Variants in CENPT observed in about 807,000 individuals in gnomAD.
CENPT encodes the protein centromere protein T, also known as interphase centromere complex protein 22.
Under a neutral mutation model 59.7 loss-of-function variants are expected in CENPT, and 42 were observed. The ratio of observed to expected loss-of-function variants is 0.70; its 90% CI spans 0.55 to 0.91. The LOEUF (loss-of-function observed/expected upper bound fraction) is 0.91. Ranked by LOEUF, CENPT falls within the 40% of genes least tolerant of loss-of-function variation. CENPT has a pLI of 0.00. For missense variants in CENPT, 716 were observed against 713.4 expected, an observed-to-expected ratio of 1.00 and a Z score of -0.04; for synonymous variants, 295 against 289.6, an observed-to-expected ratio of 1.02 and a Z score of -0.19.
At position 67,828,554 on chromosome 16, in the gene CENPT, A is replaced by C. The variant is rs563642592; in HGVS notation, c.1482T>G (p.Leu494=). 1 of 1,614,186 alleles carries C rather than the reference A, an allele frequency of 6.2e-7. No homozygotes were observed. Among genetic ancestry groups the C allele is most frequent in the East Asian group, 2.2e-5 (1 of 44,886 alleles). ...CAGCAAATACCTCCAGATCATCACA[A>C]AGATGCTGGAAATATTTATCTAGGC... is the stretch of plus-strand genomic sequence containing the variant. ...EKCLDKYFQH[L]CDDLEVFAAH... Residue 494 remains leucine, a synonymous_variant, in exon 15 of 16, where the codon CTT becomes CTG. Transcript: ENST00000562787.
intron 13 of CENPT, chr16:67,829,188 CT>C: frequency 1.9e-6 from 1 of 519,474 alleles, no homozygotes; most frequent in Non-Finnish European, 3.4e-6. Flanking sequence ...TCCAGGAAGC[CT>C]TTTCTGACTA....
chr16:67,832,503 C>T lies in CENPT; in HGVS notation c.153G>A (p.Leu51=), dbSNP rs1457201975. The T allele has an allele frequency of 6.2e-7, 1 of 1,614,178 alleles. No homozygotes were observed. The highest frequency in any genetic ancestry group is 8.5e-7 in the Non-Finnish European group (1 of 1,180,028). ...TGGCTATCGTCCTTGTTTGGCCACT[C>T]AACTTCCTGGGGGAAGCCGTTTCAA... The part of the protein sequence containing the change: ...ALLETASPRK[L]SGQTRTIARG... Residue 51 remains leucine, a synonymous_variant, in exon 5 of 16, where the codon TTG becomes TTA. Transcript: ENST00000562787.
At chr16:67,835,916 C>T (rs984388877) in intron 1 of CENPT, among the ~76,000 whole-genome samples, 1 of 151,912 alleles carries the variant, frequency 6.6e-6, no homozygotes, top group Non-Finnish European at 1.5e-5. Flanking sequence ...ACCACCACGC[C>T]CAGCTAATTT....
In CENPT at chr16:67,842,988, T is replaced by A; in HGVS notation, c.-492+4413A>T. The A allele has an allele frequency of 6.2e-7, 1 of 1,612,356 alleles. No homozygotes were observed. The highest frequency in any genetic ancestry group is 2.2e-5 in the East Asian group (1 of 44,876). On this transcript the variant is annotated intron_variant, in intron 1 of 15. Coordinates refer to ENST00000562787, the MANE Select transcript of CENPT (RefSeq NM_025082.4). This position sits in a 1 kb window ranked among gnomAD's most constrained non-coding sequence, Gnocchi z 4.9. ...GCCTCCACTGCCCAGACTGCCCAGC[T>A]GCAGCCGAACCTGGTATCTGCTTCC... is the stretch of plus-strand genomic sequence containing the variant.
Position 67,843,118 on chromosome 16 carries a change from C to A in CENPT, c.-492+4283G>T. ...CCACTGGAGAAGACGTGAAGCCCAT[C>A]GATCTCACAGTGCAAGTGGAGTTTG... On this transcript the variant is annotated intron_variant, in intron 1 of 15. Transcript: ENST00000562787. This position sits in a 1 kb window ranked among gnomAD's most constrained non-coding sequence, Gnocchi z 5.7. The A allele has an allele frequency of 6.2e-7, 1 of 1,610,570 alleles. No individual in the cohort carries two copies.
intron 1 of CENPT, among the ~76,000 whole-genome samples, chr16:67,846,026 A>C (rs1290687568): frequency 6.6e-6 from 1 of 152,210 alleles, no homozygotes; most frequent in East Asian, 1.9e-4. Flanking sequence ...TGGTACCCCA[A>C]GTTGGCTGCA....
intron 3 of CENPT, among the ~76,000 whole-genome samples, chr16:67,834,425 C>G (rs747646516): frequency 1.3e-5 from 2 of 151,876 alleles, no homozygotes; most frequent in Non-Finnish European, 2.9e-5. Context: ...CTGGGCAACA[C>G]AGTGAGACCC....
chr16:67,830,493 G>C lies in CENPT; in HGVS notation c.759C>G (p.Asn253Lys). Residue 253 changes from asparagine (N) to lysine (K), a missense_variant, in exon 11 of 16, where the codon AAC (asparagine) becomes AAG (lysine). Physicochemically the swap from Asn to Lys is moderately conservative, Grantham distance 94. Coordinates refer to ENST00000562787, the MANE Select transcript of CENPT (RefSeq NM_025082.4). ...PFSQPMVGSP[N>K]VYHSLPCTPH... Reference sequence around the variant, plus strand: ...GCGTGCAGGGCAGGGAGTGATACACGTTGGGGGAGCCAACCATGGGCTGAG... The same window carrying C: ...GCGTGCAGGGCAGGGAGTGATACACCTTGGGGGAGCCAACCATGGGCTGAG... 1 of 1,614,118 alleles carries C rather than the reference G, an allele frequency of 6.2e-7. No individual in the cohort carries two copies. The highest frequency in any genetic ancestry group is 8.5e-7 in the Non-Finnish European group (1 of 1,179,996).
rs1555494454 is a variant in CENPT at position 67,842,923 on chromosome 16, G to GCAGCAGCAGCAGCAGCAGCAGCAA, written c.-492+4477_-492+4478insTTGCTGCTGCTGCTGCTGCTGCTG. The stretch of plus-strand genomic sequence containing the variant: ...AGCAACAGCAGCAGCAGCAGCAACA[G>GCAGCAGCAGCAGCAGCAGCAGCAA]CAGCAGCAGCAGCAGCAGCAGCAGC... On this transcript the variant is annotated intron_variant, in intron 1 of 15. Coordinates refer to ENST00000562787, the MANE Select transcript of CENPT (RefSeq NM_025082.4). The surrounding 1 kb of genome is among the most constrained non-coding windows in gnomAD (Gnocchi z 4.9). 2,226 of 700,636 alleles carry GCAGCAGCAGCAGCAGCAGCAGCAA rather than the reference G, an allele frequency of 3.2e-3. 4 individuals are homozygous for GCAGCAGCAGCAGCAGCAGCAGCAA. The highest frequency in any genetic ancestry group is 7.6e-3 in the African/African-American group (131 of 17,298). The allele number at this position is 700,636 out of a possible 1,614,324, so 43.4% of individuals were successfully genotyped here.
At position 67,842,869 on chromosome 16, in the gene CENPT, G is replaced by T. The variant is rs1567374221; in HGVS notation, c.-492+4532C>A. On this transcript the variant is annotated intron_variant, in intron 1 of 15. Coordinates refer to ENST00000562787, the MANE Select transcript of CENPT (RefSeq NM_025082.4). The surrounding 1 kb of genome is among the most constrained non-coding windows in gnomAD (Gnocchi z 4.9). ...CCGCGGCCGCCCGCCGCAGGCAGCA[G>T]CAGCAACAGCAGCAGCAGCAGCAAC... is the stretch of plus-strand genomic sequence containing the variant. 1 of 1,604,542 alleles carries T rather than the reference G, an allele frequency of 6.2e-7. No homozygotes were observed. The highest frequency in any genetic ancestry group is 8.5e-7 in the Non-Finnish European group (1 of 1,175,690).
chr16:67,833,958 C>G lies in CENPT; in HGVS notation c.-99G>C, dbSNP rs946256457. The G allele has an allele frequency of 2.0e-5, 15 of 749,034 alleles. No homozygotes were observed. In the African/African-American group the frequency reaches 2.4e-4, roughly 12 times the overall value. The allele number at this position is 749,034 out of a possible 1,614,324, so 46.4% of individuals were successfully genotyped here. On this transcript the variant is annotated 5_prime_UTR_variant, in exon 4 of 16. Transcript: ENST00000562787. ...ACTCTCGCGATGCTCCCGCACAGCC[C>G]CACGGGAATTGTAGTTCTCGCACTA...
chr16:67,839,255 G>A (rs1340363352), intron 1 of CENPT, among the ~76,000 whole-genome samples: 2 of 151,780 alleles, frequency 1.3e-5, no homozygotes, highest in South Asian at 2.1e-4. Flanking sequence ...GTATGGTGGT[G>A]GGCACCTATA....
intron 1 of CENPT, among the ~76,000 whole-genome samples, chr16:67,838,037 G>A (rs955830665): frequency 2.0e-5 from 3 of 152,220 alleles, no homozygotes; most frequent in Admixed American, 6.5e-5. Flanking sequence ...TGAGGTTCTT[G>A]CCTTTCTCCA....
rs556448407 is a variant in CENPT, at chr16:67,837,572, A to G, written c.-491-1914T>C. On this transcript the variant is annotated intron_variant, in intron 1 of 15. Coordinates refer to ENST00000562787, the MANE Select transcript of CENPT (RefSeq NM_025082.4). ...AAATACAAAAAATTAGCCGGGCACG[A>G]TGGCAGGTGCCTGTAATCCCAGCTA... Among the ~76,000 whole-genome samples, 3 of 152,106 alleles carry G rather than the reference A, an allele frequency of 2.0e-5. 1 individual carries two copies. The South Asian group carries it at 6.2e-4, about 32-fold the overall frequency.
intron 4 of CENPT, among the ~76,000 whole-genome samples, chr16:67,833,305 G>A (rs2057711031): frequency 6.6e-6 from 1 of 152,268 alleles, no homozygotes; most frequent in East Asian, 1.9e-4. Context: ...AGCAGGAACA[G>A]TGGGAACCCT....
At chr16:67,834,900 G>C (rs991796596) in intron 3 of CENPT, among the ~76,000 whole-genome samples, 4 of 152,254 alleles carry the variant, frequency 2.6e-5, no homozygotes, top group Non-Finnish European at 5.9e-5. Flanking sequence ...GGAGTGCAAT[G>C]GCACAATCTC....
rs555675140 is a variant in CENPT at position 67,842,226 on chromosome 16, T to A, written c.-492+5175A>T. ...GCAGTGCCTTGGAAGGCGGCAGGAA[T>A]CCGCACACACCCGCCCCGGAAGTGA... On this transcript the variant is annotated intron_variant, in intron 1 of 15. Transcript: ENST00000562787. The surrounding 1 kb of genome is among the most constrained non-coding windows in gnomAD (Gnocchi z 4.9). The A allele has an allele frequency of 6.5e-6, 1 of 153,590 alleles. No individual in the cohort carries two copies. The highest frequency in any genetic ancestry group is 1.9e-4 in the East Asian group (1 of 5,210). 9.5% of individuals were successfully genotyped at this position (153,590 alleles called of 1,614,324 possible).
intron 3 of CENPT, among the ~76,000 whole-genome samples, chr16:67,834,479 C>T (rs1299427763): frequency 1.3e-5 from 2 of 152,084 alleles, no homozygotes; most frequent in African/African-American, 4.8e-5. Context: ...ATTATTCAGT[C>T]ATGGTGGTGC....
chr16:67,845,263 C>T (rs2057789633), intron 1 of CENPT, among the ~76,000 whole-genome samples: 1 of 152,178 alleles, frequency 6.6e-6, no homozygotes, highest in Non-Finnish European at 1.5e-5. Context: ...ATATGACTCC[C>T]TTCTCTTTCT....
Sources: allele counts gnomAD v4.1 joint callset (sites outside exome capture counted in the v4.1 genomes callset), GRCh38; gene constraint gnomAD v4.1.1; non-coding constraint Gnocchi (gnomAD v3.1); transcripts MANE v1.5; gene names NCBI Gene and HGNC (gene_info 2026-07-23, HGNC 2026-07-21).